ICA1L: variants seen among roughly 807,000 people sequenced by gnomAD.
ICA1L encodes the protein islet cell autoantigen 1-like protein.
In ICA1L, 50 loss-of-function variants were observed where a neutral mutation model predicts 61.3. The ratio of observed to expected loss-of-function variants is 0.82; its 90% confidence interval spans 0.65 to 1.03. The LOEUF is 1.03. Ranked by LOEUF, ICA1L falls within the 50% of genes least tolerant of loss-of-function variation. The pLI is 0.00. For synonymous variants in ICA1L, 161 were observed against 191.3 expected, an observed-to-expected ratio of 0.84 and a Z score of 1.31; for missense variants, 508 against 556.7, an observed-to-expected ratio of 0.91 and a Z score of 0.88.
intron 10 of ICA1L, among the ~76,000 whole-genome samples, chr2:202,791,707 G>A (rs1428082051): frequency 2.0e-5 from 3 of 151,746 alleles, no homozygotes; most frequent in African/African-American, 7.3e-5. Flanking sequence ...TTAGCCAGGC[G>A]TGGTGGCGCA....
chr2:202,828,979 C>G lies in ICA1L; in HGVS notation c.31G>C (p.Asp11His). The G allele has an allele frequency of 2.5e-6, 4 of 1,601,722 alleles. No homozygotes were observed. Among genetic ancestry groups the G allele is most frequent in the Non-Finnish European group, 3.4e-6 (4 of 1,174,538 alleles). MDSFGQPRPE[D>H]NQSVVRRMQK... The stretch of plus-strand genomic sequence containing the variant: ...ATTCTTCTGACTACTGACTGATTAT[C>G]TTCTGGTCTGGGTTGCCCAAAGGAA... Residue 11 changes from aspartate to histidine, a missense_variant, in exon 2 of 13, where the codon GAT becomes CAT. By Grantham distance (81) the Asp-to-His change is moderately conservative. Transcript: ENST00000358299.
chr2:202,859,349 G>C (rs1694850431), intron 1 of ICA1L, among the ~76,000 whole-genome samples: 1 of 152,084 alleles, frequency 6.6e-6, no homozygotes, highest in Non-Finnish European at 1.5e-5. Flanking sequence ...TCTAGTCCAG[G>C]ACTACAGTAG....
rs1692107888 is a variant in ICA1L, at chr2:202,773,186, TA to T, written c.*6346del. The T allele has an allele frequency of 1.3e-5, 2 of 152,232 alleles. No homozygotes were observed. Among genetic ancestry groups the T allele is most frequent in the Non-Finnish European group, 1.5e-5 (1 of 68,046 alleles). The allele number at this position is 152,232 out of a possible 1,614,324, so 9.4% of individuals were successfully genotyped here. Reference sequence around the variant, plus strand: ...GAGAAAGTGTCAACATCTTTATTGCTAATATAAGCATTTAATGTCAAAGAAA... The same window carrying T: ...GAGAAAGTGTCAACATCTTTATTGCTATATAAGCATTTAATGTCAAAGAAA... On this transcript the variant is annotated 3_prime_UTR_variant, in exon 13 of 13. Transcript: ENST00000358299.
Position 202,815,039 on chromosome 2 carries a change from G to A in ICA1L, c.784-255C>T, listed in dbSNP as rs1559136180. Among the ~76,000 whole-genome samples the A allele has an allele frequency of 2.0e-5, 3 of 152,190 alleles. No individual in the cohort carries two copies. The East Asian group carries it at 5.8e-4, about 29-fold the overall frequency. On this transcript the variant is annotated intron_variant, in intron 7 of 12. Transcript: ENST00000358299. ...AGCCACAGATTAGTTTAACAACTTAGTAATAGGCCTAAAGAAGACTTAAAC... is the reference window on the plus strand; with the variant it reads ...AGCCACAGATTAGTTTAACAACTTAATAATAGGCCTAAAGAAGACTTAAAC...
intron 1 of ICA1L, among the ~76,000 whole-genome samples, chr2:202,853,354 CAAAAA>C (rs565006368): frequency 3.2e-5 from 3 of 94,438 alleles, no homozygotes; most frequent in East Asian, 3.4e-4. Context: ...GAGACTCCGT[CAAAAA>C]AAAAAAAAAA....
rs901848103 is a variant in ICA1L at position 202,816,074 on chromosome 2, T to G, written c.685-65A>C. 3 of 1,000,174 alleles carry G rather than the reference T, an allele frequency of 3.0e-6. No individual in the cohort carries two copies. In the African/African-American group the frequency reaches 5.0e-5, roughly 17 times the overall value. The allele number at this position is 1,000,174 out of a possible 1,614,324, so 62.0% of individuals were successfully genotyped here. A position where few individuals can be genotyped will look rare whatever the true frequency, so the allele number is the denominator to read the frequency against. On this transcript the variant is annotated intron_variant, in intron 6 of 12. Transcript: ENST00000358299. ...CCTCCATGATTTTTTAAGTGCTATA[T>G]TTCCTTACTAGTTTAGTAGATGAAC...
chr2:202,844,985 C>A (rs1488745739), intron 1 of ICA1L, among the ~76,000 whole-genome samples: 3 of 152,156 alleles, frequency 2.0e-5, no homozygotes, highest in Non-Finnish European at 4.4e-5. Flanking sequence ...GTCCCCCTTC[C>A]TCCATCTTTA....
intron 4 of ICA1L, 116 bp from the exon 5 acceptor site, chr2:202,820,015 T>C (rs888487041): frequency 1.3e-6 from 1 of 751,038 alleles, no homozygotes; most frequent in African/African-American, 1.8e-5. Flanking sequence ...AAGTAAAAAA[T>C]TATTCAGTTC....
chr2:202,839,488 G>A (rs1334672657), intron 1 of ICA1L, among the ~76,000 whole-genome samples: 2 of 125,258 alleles, frequency 1.6e-5, no homozygotes, highest in African/African-American at 3.1e-5. Flanking sequence ...AACAGAGTGA[G>A]ACTCCGTCTC....
intron 11 of ICA1L, among the ~76,000 whole-genome samples, chr2:202,787,526 C>A (rs187666761): frequency 1.2e-4 from 18 of 152,284 alleles, no homozygotes; most frequent in Admixed American, 1.0e-3. Flanking sequence ...ATAATATTGT[C>A]TATTCTTTCT....
At chr2:202,815,392 A>T (rs1693504329) in intron 7 of ICA1L, among the ~76,000 whole-genome samples, 1 of 152,184 alleles carries the variant, frequency 6.6e-6, no homozygotes, top group Non-Finnish European at 1.5e-5. Context: ...GGCAGAATGA[A>T]TGGTAAGTTA....
At chr2:202,787,427 T>C (rs1420222787) in intron 11 of ICA1L, among the ~76,000 whole-genome samples, 2 of 152,224 alleles carry the variant, frequency 1.3e-5, no homozygotes, top group Non-Finnish European at 1.5e-5. Flanking sequence ...TACTGAGCCA[T>C]TGGTATGCCA....
At chr2:202,871,472 C>A (rs1357470076) in intron 1 of ICA1L, 147 bp downstream of exon 1, 1 of 150,568 alleles carries the variant, frequency 6.6e-6, no homozygotes, top group Admixed American at 6.6e-5. Context: ...AGCAAGGCCC[C>A]GAGAAGCCGC....
chr2:202,795,073 C>CTTTTTTTTTTT (rs59752090), intron 10 of ICA1L, among the ~76,000 whole-genome samples: 1 of 97,076 alleles, frequency 1.0e-5, no homozygotes, highest in Non-Finnish European at 2.0e-5. Context: ...GTTTCCTTTT[C>CTTTTTTTTTTT]TTTTTTTTTT....
intron 12 of ICA1L, among the ~76,000 whole-genome samples, chr2:202,780,180 TTA>T (rs1279111586): frequency 2.6e-5 from 4 of 152,208 alleles, no homozygotes; most frequent in African/African-American, 9.7e-5. Context: ...TCAAGTTGAT[TTA>T]TGTTTATTAT....
At chr2:202,805,044 T>G (rs146046435) in intron 9 of ICA1L, among the ~76,000 whole-genome samples, 115 of 152,210 alleles carry the variant, frequency 7.6e-4, no homozygotes, top group African/African-American at 2.3e-3. Flanking sequence ...AGGAAGGAAA[T>G]CCTGATACAA....
intron 9 of ICA1L, among the ~76,000 whole-genome samples, chr2:202,802,163 T>C (rs1023392226): frequency 6.6e-6 from 1 of 152,180 alleles, no homozygotes; most frequent in Admixed American, 6.5e-5. Context: ...ATAAAAAGTA[T>C]AGTTGTTGGG....
intron 12 of ICA1L, among the ~76,000 whole-genome samples, chr2:202,781,573 CAA>C (rs200593045): frequency 6.2e-4 from 64 of 103,616 alleles, no homozygotes; most frequent in Admixed American, 1.1e-3. Flanking sequence ...GACCCTGTCT[CAA>C]AAAAAAAAAA....
intron 1 of ICA1L, among the ~76,000 whole-genome samples, chr2:202,852,296 T>C (rs1694647844): frequency 6.6e-6 from 1 of 152,204 alleles, no homozygotes; most frequent in African/African-American, 2.4e-5. Flanking sequence ...ATGGTATTTC[T>C]AGTTCTAGAT....
Sources: gnomAD v4.1 joint callset for allele counts (sites outside exome capture counted in the v4.1 genomes callset) on GRCh38, gnomAD v4.1.1 for gene constraint, MANE v1.5 for transcripts, NCBI Gene and HGNC (gene_info 2026-07-23, HGNC 2026-07-21) for gene names.